Variants in PRKN observed in about 807,000 individuals in gnomAD.
PRKN encodes parkin RBR E3 ubiquitin protein ligase, also known as E3 ubiquitin-protein ligase parkin.
In PRKN, 56 loss-of-function variants were observed where a neutral mutation model predicts 59.5. The observed-to-expected ratio is 0.94, with a 90% confidence interval of 0.76 to 1.18. The LOEUF (loss-of-function observed/expected upper bound fraction) is 1.18. Ranked by LOEUF, PRKN falls within the 50% of genes most tolerant of loss-of-function variation. PRKN has a pLI of 0.00. For synonymous variants in PRKN, 250 were observed against 222.1 expected (o/e 1.13, Z -1.12); for missense variants, 657 against 596.4 (o/e 1.10, Z -1.06).
In PRKN at chr6:161,565,617, G is replaced by A. The variant is rs564961220; in HGVS notation, c.933+3738C>T. Among the ~76,000 whole-genome samples the A allele has an allele frequency of 1.3e-4, 20 of 152,080 alleles. No individual in the cohort carries two copies. The South Asian group carries it at 3.1e-3, about 24-fold the overall frequency. On this transcript the variant is annotated intron_variant, in intron 8 of 11. Coordinates refer to ENST00000366898, the MANE Select transcript of PRKN (RefSeq NM_004562.3). ...GAAGAAGGTACCTTGCTTCCCCTTC[G>A]CCTTCCGTCATGATTGTAAGTTTCC...
rs1788568893 is a variant in PRKN, at chr6:162,415,227, T to C, written c.171+28083A>G. Among the ~76,000 whole-genome samples, 4 of 152,118 alleles carry C rather than the reference T, an allele frequency of 2.6e-5. No individual in the cohort carries two copies. The South Asian group carries it at 8.3e-4, about 32-fold the overall frequency. On this transcript the variant is annotated intron_variant, in intron 2 of 11. Transcript: ENST00000366898. The stretch of plus-strand genomic sequence containing the variant: ...AAATAGCCAACTGGGGAAAGTTATT[T>C]GGACTGGTAACACTAGAAACTATTT...
chr6:161,568,189 C>T (rs1780725223), intron 8 of PRKN, among the ~76,000 whole-genome samples: 1 of 152,172 alleles, frequency 6.6e-6, no homozygotes, highest in Admixed American at 6.5e-5. Context: ...CACATACATA[C>T]ACCAAACAAA....
chr6:161,656,049 C>T (rs1233517605), intron 7 of PRKN, among the ~76,000 whole-genome samples: 1 of 152,340 alleles, frequency 6.6e-6, no homozygotes, highest in East Asian at 1.9e-4. Context: ...TCTGGGGAGA[C>T]AGCCGAGGTA....
chr6:162,545,838 TG>T (rs1381136985), intron 1 of PRKN, among the ~76,000 whole-genome samples: 1 of 152,032 alleles, frequency 6.6e-6, no homozygotes, highest in Non-Finnish European at 1.5e-5. Flanking sequence ...AATTGGTAAT[TG>T]GGGGAACAAA....
intron 2 of PRKN, among the ~76,000 whole-genome samples, chr6:162,311,481 CTTTTTT>C (rs397886856): frequency 3.1e-5 from 4 of 128,534 alleles, no homozygotes; most frequent in Non-Finnish European, 6.5e-5. Flanking sequence ...AATTTTTTTC[CTTTTTT>C]TTTTTTTTTT....
chr6:161,967,575 T>G lies in PRKN; in HGVS notation c.734+5727A>C, dbSNP rs73783695. ...AAAAGGTAAATGAAAGAGTTATCAG[T>G]CTCTTACTATATAGAAGTATATTTG... On this transcript the variant is annotated intron_variant, in intron 6 of 11. Transcript: ENST00000366898. 6.9e-3 allele frequency among the ~76,000 whole-genome samples: 1,053 copies of G among 152,276 alleles called. 14 individuals are homozygous for G. The highest frequency in any genetic ancestry group is 0.025 in the African/African-American group (1,027 of 41,566).
chr6:162,010,280 GATAA>G (rs1483454003), intron 5 of PRKN, among the ~76,000 whole-genome samples: 1 of 112,648 alleles, frequency 8.9e-6, no homozygotes, highest in Non-Finnish European at 1.7e-5. Context: ...TATTATGTAT[GATAA>G]ATATATTTTA....
rs73598174 is a variant in PRKN, at chr6:162,308,748, A to T, written c.172-45983T>A. ...CACTGACTGTAAACAGCCAAGCCCC[A>T]TGAAAGACAAGTGAATCTTCTAGTG... is the stretch of plus-strand genomic sequence containing the variant. On this transcript the variant is annotated intron_variant, in intron 2 of 11. Transcript: ENST00000366898. 3.8e-3 allele frequency among the ~76,000 whole-genome samples: 581 copies of T among 152,268 alleles called. 9 individuals are homozygous for T. Among genetic ancestry groups the T allele is most frequent in the South Asian group, 0.027 (132 of 4,822 alleles).
At chr6:162,345,627 T>C (rs1221827920) in intron 2 of PRKN, among the ~76,000 whole-genome samples, 1 of 152,332 alleles carries the variant, frequency 6.6e-6, no homozygotes, top group African/African-American at 2.4e-5. Context: ...CAATTTTAAA[T>C]GGTAGCTTAG....
intron 1 of PRKN, among the ~76,000 whole-genome samples, chr6:162,450,701 C>T (rs1055996715): frequency 5.3e-5 from 8 of 152,220 alleles, no homozygotes; most frequent in South Asian, 2.1e-4. Flanking sequence ...GCCAGCACTG[C>T]GCAAACCTTT....
chr6:162,643,408 A>AAAAAAAC (rs1778041494), intron 1 of PRKN, among the ~76,000 whole-genome samples: 1 of 150,172 alleles, frequency 6.7e-6, no homozygotes, highest in African/African-American at 2.4e-5. Flanking sequence ...AAAAAAAAAA[A>AAAAAAAC]AAAAAAAGAA....
chr6:161,654,805 C>A (rs191575215), intron 7 of PRKN, among the ~76,000 whole-genome samples: 2 of 152,280 alleles, frequency 1.3e-5, no homozygotes, highest in Non-Finnish European at 1.5e-5. Context: ...CCAGCAAAGG[C>A]CACAGGGGCA....
chr6:162,331,676 A>C (rs1390458717), intron 2 of PRKN, among the ~76,000 whole-genome samples: 1 of 152,160 alleles, frequency 6.6e-6, no homozygotes, highest in African/African-American at 2.4e-5. Context: ...GTTGGAATTT[A>C]TTCTTCCAGA....
intron 1 of PRKN, chr6:162,568,469 T>C: frequency 3.1e-6 from 2 of 637,178 alleles, no homozygotes; most frequent in East Asian, 2.9e-5. Flanking sequence ...GAGGCTCTGG[T>C]GGGGCCGGCG....
intron 7 of PRKN, among the ~76,000 whole-genome samples, chr6:161,622,031 T>TG (rs986722106): frequency 2.6e-5 from 4 of 152,176 alleles, no homozygotes; most frequent in Non-Finnish European, 4.4e-5. Flanking sequence ...CAGTATCTGC[T>TG]GGTGTAACGA....
chr6:162,689,734 C>T (rs149749440), intron 1 of PRKN, among the ~76,000 whole-genome samples: 15 of 152,162 alleles, frequency 9.9e-5, no homozygotes, highest in African/African-American at 3.6e-4. Flanking sequence ...TGAAATTTAA[C>T]ACAGGTATTC....
intron 1 of PRKN, among the ~76,000 whole-genome samples, chr6:162,726,593 C>G (rs1162869057): frequency 6.6e-6 from 1 of 152,170 alleles, no homozygotes; most frequent in African/African-American, 2.4e-5. Context: ...TACATTTTAA[C>G]AATAACTTCA....
chr6:162,029,448 T>C (rs1783557953), intron 5 of PRKN, among the ~76,000 whole-genome samples: 1 of 152,178 alleles, frequency 6.6e-6, no homozygotes, highest in African/African-American at 2.4e-5. Flanking sequence ...CATCCTTGTA[T>C]TTCCCACAGG....
intron 5 of PRKN, among the ~76,000 whole-genome samples, chr6:161,996,397 C>T (rs1237455768): frequency 6.6e-6 from 1 of 152,168 alleles, no homozygotes. Context: ...TATGTTTCTT[C>T]AAGCCAGCAG....
Sources: allele counts gnomAD v4.1 joint callset (sites outside exome capture counted in the v4.1 genomes callset), GRCh38; gene constraint gnomAD v4.1.1; transcripts MANE v1.5; gene names NCBI Gene and HGNC (gene_info 2026-07-23, HGNC 2026-07-21).